Variants in NRXN1 observed in about 807,000 individuals in gnomAD.
NRXN1 encodes neurexin-1.
Under a neutral mutation model 150.9 loss-of-function variants are expected in NRXN1, and 39 were observed. The observed-to-expected ratio is 0.26, with a 90% CI of 0.20 to 0.34. The LOEUF is 0.34. Ranked by LOEUF, NRXN1 falls within the 10% of genes least tolerant of loss-of-function variation. The pLI is 1.00. For synonymous variants in NRXN1, 924 were observed against 757.0 expected, an observed-to-expected ratio of 1.22 and a Z score of -3.62; for missense variants, 1,815 against 1,949.9, an observed-to-expected ratio of 0.93 and a Z score of 1.30.
At chr2:50,203,858 G>T (rs780585957) in intron 18 of NRXN1, among the ~76,000 whole-genome samples, 1 of 151,884 alleles carries the variant, frequency 6.6e-6, no homozygotes, top group Admixed American at 6.6e-5. Context: ...ATTAAATTAG[G>T]CTTTCTTAAT....
chr2:50,781,877 C>G (rs1704397436), intron 5 of NRXN1, among the ~76,000 whole-genome samples: 1 of 152,150 alleles, frequency 6.6e-6, no homozygotes, highest in Admixed American at 6.5e-5. Context: ...CTGCTGTAAA[C>G]TGGGGATACT....
chr2:50,075,415 G>C (rs79569774), intron 19 of NRXN1, among the ~76,000 whole-genome samples: 1 of 152,276 alleles, frequency 6.6e-6, no homozygotes, highest in Non-Finnish European at 1.5e-5. Flanking sequence ...AAAAGCCTTA[G>C]ATCATTAAAA....
chr2:50,631,229 T>C, intron 5 of NRXN1: 1 of 387,482 alleles, frequency 2.6e-6, no homozygotes, highest in Non-Finnish European at 5.0e-6. Context: ...CTGCAGCGAG[T>C]AATCAAGATT....
rs1453540266 is a variant in NRXN1 at position 49,920,565 on chromosome 2, A to C, written c.*1379T>G. The C allele has an allele frequency of 6.6e-6, 1 of 152,526 alleles. No individual in the cohort carries two copies. The highest frequency in any genetic ancestry group is 2.4e-5 in the African/African-American group (1 of 41,428). 9.4% of individuals were successfully genotyped at this position (152,526 alleles called of 1,614,324 possible). ...TTACCTGGGAGCAAGATCTCAATGA[A>C]GCAAATCACCCCATTTGTCATCAAT... On this transcript the variant is annotated 3_prime_UTR_variant, in exon 23 of 23. Transcript: ENST00000401669.
chr2:50,940,473 CAA>C (rs748999405), intron 2 of NRXN1, among the ~76,000 whole-genome samples: 10 of 75,050 alleles, frequency 1.3e-4, no homozygotes, highest in Non-Finnish European at 1.3e-4. Flanking sequence ...GACTCCATCT[CAA>C]AAAAAAAAAA....
chr2:50,225,837 A>G (rs981220914), intron 18 of NRXN1, among the ~76,000 whole-genome samples: 1 of 151,940 alleles, frequency 6.6e-6, no homozygotes, highest in Non-Finnish European at 1.5e-5. Flanking sequence ...CTAACCACAA[A>G]ATCTTTGGGG....
intron 5 of NRXN1, among the ~76,000 whole-genome samples, chr2:50,808,660 C>G (rs916611141): frequency 2.0e-5 from 3 of 152,084 alleles, no homozygotes; most frequent in African/African-American, 7.2e-5. Flanking sequence ...ACTCTTGATG[C>G]ATCAATAAAA....
chr2:50,775,018 T>C (rs936390035), intron 5 of NRXN1, among the ~76,000 whole-genome samples: 1 of 152,180 alleles, frequency 6.6e-6, no homozygotes, highest in Admixed American at 6.5e-5. Flanking sequence ...TATTAATTCT[T>C]AAGCCCAAGA....
chr2:51,010,188 C>T (rs1013938012), intron 2 of NRXN1, among the ~76,000 whole-genome samples: 1 of 151,932 alleles, frequency 6.6e-6, no homozygotes, highest in African/African-American at 2.4e-5. Flanking sequence ...GATGGAGAGT[C>T]ACCAACTTCC....
chr2:50,445,946 A>G (rs76097433), intron 17 of NRXN1, among the ~76,000 whole-genome samples: 49 of 152,202 alleles, frequency 3.2e-4, no homozygotes, highest in Non-Finnish European at 6.8e-4. Context: ...GACATTCTCA[A>G]TTTCTTTATC....
intron 3 of NRXN1, among the ~76,000 whole-genome samples, chr2:50,923,864 G>A (rs1357024415): frequency 1.3e-5 from 2 of 151,690 alleles, no homozygotes; most frequent in Admixed American, 6.6e-5. Context: ...AAACATCTCT[G>A]TAGGCTAGAT....
At chr2:50,777,106 A>G (rs1420295795) in intron 5 of NRXN1, among the ~76,000 whole-genome samples, 2 of 152,152 alleles carry the variant, frequency 1.3e-5, no homozygotes, top group African/African-American at 2.4e-5. Context: ...TCAAATCATG[A>G]AAATGTGTAT....
rs1403679474 is a variant in NRXN1 at position 49,931,051 on chromosome 2, G to A, written c.4217-8800C>T. ...CGAGTCCGAGGTGGGAGGACCATTT[G>A]AGCCCAGGAGTTTAAGAATAGAGTG... On this transcript the variant is annotated intron_variant, in intron 22 of 22. Coordinates refer to ENST00000401669, the MANE Select transcript of NRXN1 (RefSeq NM_001330078.2). 3.3e-5 allele frequency among the ~76,000 whole-genome samples: 5 copies of A among 152,186 alleles called. No homozygotes were observed. In the East Asian group the frequency reaches 9.6e-4, roughly 29 times the overall value.
At chr2:50,367,677 G>T (rs2079689868) in intron 17 of NRXN1, among the ~76,000 whole-genome samples, 1 of 151,914 alleles carries the variant, frequency 6.6e-6, no homozygotes, top group Non-Finnish European at 1.5e-5. Flanking sequence ...TGCAGAAATG[G>T]CCCTGCAAAT....
intron 5 of NRXN1, among the ~76,000 whole-genome samples, chr2:50,762,572 A>G (rs759519876): frequency 6.6e-6 from 1 of 151,926 alleles, no homozygotes; most frequent in East Asian, 2.0e-4. Context: ...GCTTCCACTT[A>G]TGAGTGGGAA....
At chr2:50,309,295 G>C (rs190175663) in intron 17 of NRXN1, among the ~76,000 whole-genome samples, 30 of 152,222 alleles carry the variant, frequency 2.0e-4, no homozygotes, top group African/African-American at 7.0e-4. Context: ...AAACTATAGA[G>C]TTTTTACTAG....
intron 18 of NRXN1, among the ~76,000 whole-genome samples, chr2:50,152,329 T>C (rs145826562): frequency 1.3e-3 from 194 of 151,900 alleles, no homozygotes; most frequent in African/African-American, 4.5e-3. Context: ...ATTTTACTTA[T>C]GACAATGTTC....
chr2:50,203,390 T>C (rs1353949401), intron 18 of NRXN1, among the ~76,000 whole-genome samples: 1 of 152,180 alleles, frequency 6.6e-6, no homozygotes, highest in Non-Finnish European at 1.5e-5. Flanking sequence ...GTTTCTGTTA[T>C]TGCTGAACCT....
chr2:50,006,507 C>T (rs755739934), intron 21 of NRXN1, among the ~76,000 whole-genome samples: 2 of 152,164 alleles, frequency 1.3e-5, no homozygotes, highest in Non-Finnish European at 2.9e-5. Context: ...CCATTATACT[C>T]ATTCTGCATG....
Sources: allele counts gnomAD v4.1 joint callset (sites outside exome capture counted in the v4.1 genomes callset), GRCh38; gene constraint gnomAD v4.1.1; transcripts MANE v1.5; gene names NCBI Gene and HGNC (gene_info 2026-07-23, HGNC 2026-07-21).